Variants in RBFOX1 observed in about 807,000 individuals in gnomAD.
RBFOX1 encodes the protein RNA binding fox-1 homolog 1.
In RBFOX1, 8 loss-of-function variants were observed where a neutral mutation model predicts 57.7. That is an observed-to-expected ratio of 0.14 (90% confidence interval 0.08 to 0.25). The LOEUF is 0.25. Among genes scored for constraint, RBFOX1 ranks in the 10% least tolerant of loss-of-function variants. The probability of loss-of-function intolerance (pLI) is 1.00; values close to 1 mark genes in which losing one functional copy is unlikely to be tolerated. For synonymous variants in RBFOX1, 326 were observed against 222.4 expected (o/e 1.47, Z -4.15); for missense variants, 611 against 548.5 (o/e 1.11, Z -1.14).
chr16:5,759,035 C>A (rs2053496455), intron 3 of RBFOX1, among the ~76,000 whole-genome samples: 1 of 152,160 alleles, frequency 6.6e-6, no homozygotes, highest in Non-Finnish European at 1.5e-5. Flanking sequence ...ATTCATGAAA[C>A]CTCCATTTGA....
At chr16:7,080,159 C>G (rs1352349948) in intron 4 of RBFOX1, among the ~76,000 whole-genome samples, 1 of 150,462 alleles carries the variant, frequency 6.6e-6, no homozygotes, top group Non-Finnish European at 1.5e-5. Context: ...TATTCCTCAG[C>G]CAAAAAGTAA....
rs560349033 is a variant in RBFOX1, at chr16:6,623,794, A to T, written c.-63-30809A>T. 7.7e-4 allele frequency among the ~76,000 whole-genome samples: 117 copies of T among 152,280 alleles called. 1 individual carries two copies. The highest frequency in any genetic ancestry group is 9.8e-4 in the Non-Finnish European group (67 of 68,024). On this transcript the variant is annotated intron_variant, in intron 2 of 15. Coordinates refer to ENST00000550418, the MANE Select transcript of RBFOX1 (RefSeq NM_018723.4). The stretch of plus-strand genomic sequence containing the variant: ...TGAACTCATCCTTTTTTATGGCTGC[A>T]TAGTATTCTATGGTGTATATGTGCC...
intron 1 of RBFOX1, among the ~76,000 whole-genome samples, chr16:5,423,582 C>T (rs1017612335): frequency 2.6e-5 from 4 of 152,128 alleles, no homozygotes; most frequent in Non-Finnish European, 4.4e-5. Flanking sequence ...GCCATTGCTG[C>T]GTGTCTGTGA....
intron 2 of RBFOX1, among the ~76,000 whole-genome samples, chr16:6,432,492 T>G (rs2094127353): frequency 2.0e-5 from 3 of 148,336 alleles, no homozygotes; most frequent in African/African-American, 2.5e-5. Flanking sequence ...GCCAACAGGG[T>G]GTAACCTCAT....
At chr16:5,651,070 T>TTTTTTA (rs2049223604) in intron 3 of RBFOX1, among the ~76,000 whole-genome samples, 1 of 116,778 alleles carries the variant, frequency 8.6e-6, no homozygotes, top group Admixed American at 8.5e-5. Context: ...TTTTTTTTTT[T>TTTTTTA]GAGACAGGGT....
intron 4 of RBFOX1, among the ~76,000 whole-genome samples, chr16:7,386,152 A>G (rs2097876186): frequency 6.6e-6 from 1 of 152,118 alleles, no homozygotes; most frequent in South Asian, 2.1e-4. Flanking sequence ...TTGAGATCCC[A>G]ACAGCCTCAG....
At chr16:5,950,590 C>T (rs183649217) in intron 4 of RBFOX1, among the ~76,000 whole-genome samples, 2 of 152,086 alleles carry the variant, frequency 1.3e-5, no homozygotes, top group South Asian at 4.2e-4. Flanking sequence ...TGCTATTCTT[C>T]TTTTTGATGC....
intron 3 of RBFOX1, among the ~76,000 whole-genome samples, chr16:6,805,022 CT>C (rs2154260974): frequency 1.3e-5 from 2 of 152,256 alleles, no homozygotes; most frequent in South Asian, 4.1e-4. Flanking sequence ...ACCATTTGAC[CT>C]ACCAGTCCCA....
intron 2 of RBFOX1, among the ~76,000 whole-genome samples, chr16:5,494,464 G>A (rs1020257904): frequency 1.8e-4 from 28 of 152,306 alleles, no homozygotes; most frequent in African/African-American, 6.7e-4. Context: ...TACTCTGGGG[G>A]CATTGATGGA....
In RBFOX1 at chr16:6,840,458, A is replaced by G. The variant is rs1449842148; in HGVS notation, c.-16+185808A>G. Among the ~76,000 whole-genome samples, 7 of 152,278 alleles carry G rather than the reference A, an allele frequency of 4.6e-5. No individual in the cohort carries two copies. The East Asian group carries it at 1.2e-3, about 25-fold the overall frequency. On this transcript the variant is annotated intron_variant, in intron 3 of 15. Transcript: ENST00000550418. ...ACTATAATTAGTAGAATTAACTGCTATTGGCTGAATGTTCATGTCCCCCTA... is the reference window on the plus strand; with the variant it reads ...ACTATAATTAGTAGAATTAACTGCTGTTGGCTGAATGTTCATGTCCCCCTA...
At chr16:7,684,688 CA>C (rs2075677920) in intron 14 of RBFOX1, among the ~76,000 whole-genome samples, 1 of 151,124 alleles carries the variant, frequency 6.6e-6, no homozygotes, top group Non-Finnish European at 1.5e-5. Context: ...TTCATGGTTT[CA>C]ATTTTGTAAT....
chr16:7,637,021 G>A (rs1597048355), intron 11 of RBFOX1, among the ~76,000 whole-genome samples: 2 of 152,096 alleles, frequency 1.3e-5, no homozygotes, highest in Admixed American at 6.5e-5. Context: ...GAGTGGAGAG[G>A]ACATAATTTA....
intron 1 of RBFOX1, among the ~76,000 whole-genome samples, chr16:5,249,689 C>G (rs1441982451): frequency 6.6e-6 from 1 of 152,184 alleles, no homozygotes; most frequent in Non-Finnish European, 1.5e-5. Context: ...GCAATGCAGA[C>G]CAGGTGTGGT....
At chr16:6,546,096 A>G (rs1423223120) in intron 2 of RBFOX1, among the ~76,000 whole-genome samples, 2 of 152,232 alleles carry the variant, frequency 1.3e-5, no homozygotes, top group Non-Finnish European at 2.9e-5. Flanking sequence ...TGTTTTAAGA[A>G]AGTTTATGAA....
intron 3 of RBFOX1, among the ~76,000 whole-genome samples, chr16:5,684,596 AC>A: frequency 6.6e-6 from 1 of 152,108 alleles, no homozygotes; most frequent in Non-Finnish European, 1.5e-5. Flanking sequence ...TTATAAAATG[AC>A]CCCACGGTTA....
chr16:6,762,805 T>C (rs530123575), intron 3 of RBFOX1, among the ~76,000 whole-genome samples: 2 of 151,920 alleles, frequency 1.3e-5, no homozygotes, highest in Non-Finnish European at 2.9e-5. Context: ...AAACAGGCAA[T>C]TGCAAAATAA....
At chr16:6,801,442 C>A (rs1326159555) in intron 3 of RBFOX1, among the ~76,000 whole-genome samples, 1 of 152,074 alleles carries the variant, frequency 6.6e-6, no homozygotes, top group African/African-American at 2.4e-5. Context: ...GCAAAACGGG[C>A]ACATGTGTAG....
At chr16:6,006,118 A>C (rs1447316520) in intron 4 of RBFOX1, among the ~76,000 whole-genome samples, 1 of 152,198 alleles carries the variant, frequency 6.6e-6, no homozygotes, top group Non-Finnish European at 1.5e-5. Flanking sequence ...TTTGTGTTGT[A>C]TTGCCTAATT....
intron 1 of RBFOX1, among the ~76,000 whole-genome samples, chr16:5,274,033 G>T (rs1170849552): frequency 6.6e-6 from 1 of 152,194 alleles, no homozygotes; most frequent in Non-Finnish European, 1.5e-5. Flanking sequence ...TCAGGTTTGT[G>T]GGGAAGGAGA....
Sources: gnomAD v4.1 joint callset for allele counts (sites outside exome capture counted in the v4.1 genomes callset) on GRCh38, gnomAD v4.1.1 for gene constraint, MANE v1.5 for transcripts, NCBI Gene and HGNC (gene_info 2026-07-23, HGNC 2026-07-21) for gene names.